MALL: variants seen among roughly 807,000 people sequenced by gnomAD.
MALL encodes the protein mal, T cell differentiation protein like.
Under a neutral mutation model 10.3 loss-of-function variants are expected in MALL, and 2 were observed. The ratio of observed to expected loss-of-function variants is 0.19; its 90% CI spans 0.08 to 0.61. The LOEUF is 0.61. Among genes scored for constraint, MALL ranks in the 20% least tolerant of loss-of-function variants. MALL has a pLI of 0.88. For missense variants in MALL, 39 were observed against 115.2 expected, an observed-to-expected ratio of 0.34 and a Z score of 3.03; for synonymous variants, 27 against 51.8, an observed-to-expected ratio of 0.52 and a Z score of 2.05.
chr2:110,103,131 TG>T (rs1183259547), intron 1 of MALL, among the ~76,000 whole-genome samples: 51 of 152,248 alleles, frequency 3.3e-4, no homozygotes, highest in African/African-American at 1.1e-3. Context: ...CCACTGAGAC[TG>T]TACTCTGGGA....
intron 1 of MALL, among the ~76,000 whole-genome samples, chr2:110,111,311 T>C (rs1678797434): frequency 6.6e-6 from 1 of 152,154 alleles, no homozygotes; most frequent in African/African-American, 2.4e-5. Flanking sequence ...ATCGTTTAAC[T>C]TGAAAACTCT....
At chr2:110,106,907 A>G (rs1678708352) in intron 1 of MALL, among the ~76,000 whole-genome samples, 1 of 152,220 alleles carries the variant, frequency 6.6e-6, no homozygotes. Flanking sequence ...CTATTGACAT[A>G]GGCCACAGCT....
intron 1 of MALL, among the ~76,000 whole-genome samples, chr2:110,110,617 G>A (rs569474982): frequency 9.2e-5 from 14 of 152,078 alleles, no homozygotes; most frequent in African/African-American, 3.1e-4. Context: ...GGATGGATTC[G>A]CACCAGAATT....
In MALL at chr2:110,113,453, A is replaced by AG. The variant is rs1477621266; in HGVS notation, c.105+2234_105+2235insC. ...TCTGTCTCAAAAAAAAAAAAAAAAA[A>AG]AAAAAAAGACTACAAATGTAGTGCA... On this transcript the variant is annotated intron_variant, in intron 1 of 3. Coordinates refer to ENST00000272462, the MANE Select transcript of MALL (RefSeq NM_005434.5). Among the ~76,000 whole-genome samples the AG allele has an allele frequency of 5.3e-5, 8 of 150,536 alleles. No homozygotes were observed. The East Asian group carries it at 1.5e-3, about 29-fold the overall frequency.
At chr2:110,117,483 A>G (rs555238143), upstream of MALL, among the ~76,000 whole-genome samples, 1 of 152,218 alleles carries the variant, frequency 6.6e-6, no homozygotes, top group South Asian at 2.1e-4. Flanking sequence ...TAGTATATTA[A>G]GAAATGAAGA....
intron 1 of MALL, among the ~76,000 whole-genome samples, chr2:110,101,376 A>ATT (rs200978672): frequency 0.015 from 2,270 of 152,162 alleles, 32 homozygotes; most frequent in Non-Finnish European, 0.026. Context: ...TGGAGGGAGA[A>ATT]TTTTCTTTTT....
intron 1 of MALL, among the ~76,000 whole-genome samples, chr2:110,095,943 A>G (rs1678431552): frequency 2.0e-5 from 3 of 152,238 alleles, no homozygotes; most frequent in Admixed American, 2.0e-4. Flanking sequence ...CAACTAAGGT[A>G]AAATCCATGA....
intron 1 of MALL, among the ~76,000 whole-genome samples, chr2:110,095,629 T>G (rs1234079914): frequency 6.6e-6 from 1 of 152,052 alleles, no homozygotes; most frequent in African/African-American, 2.4e-5. Context: ...TAACCTGCAT[T>G]TTAAATTTAA....
intron 1 of MALL, among the ~76,000 whole-genome samples, chr2:110,097,129 C>T (rs1170396695): frequency 2.0e-5 from 3 of 150,246 alleles, no homozygotes; most frequent in Non-Finnish European, 3.0e-5. Context: ...ATTCTATATC[C>T]CAAAATGGAA....
At chr2:110,097,060 T>G (rs1456247415) in intron 1 of MALL, among the ~76,000 whole-genome samples, 2 of 136,194 alleles carry the variant, frequency 1.5e-5, no homozygotes, top group Non-Finnish European at 3.1e-5. Context: ...GTCTGCAAAG[T>G]GAAACACTCT....
In MALL at chr2:110,103,877, C is replaced by T. The variant is rs184901166; in HGVS notation, c.105+11811G>A. ...ACAGGGGCCGGAGTGGCCAGGGATG[C>T]GGGGCCAGGCCAGGTGGTTCCCAGC... On this transcript the variant is annotated intron_variant, in intron 1 of 3. Transcript: ENST00000272462. Among the ~76,000 whole-genome samples, 23 of 152,194 alleles carry T rather than the reference C, an allele frequency of 1.5e-4. No individual in the cohort carries two copies. The East Asian group carries it at 3.7e-3, about 24-fold the overall frequency.
intron 1 of MALL, 108 bp downstream of exon 1, chr2:110,115,580 C>A: frequency 4.8e-6 from 2 of 412,770 alleles, no homozygotes; most frequent in Non-Finnish European, 7.0e-6. Flanking sequence ...CTGCCCCTCT[C>A]TCTTCTCGGT....
chr2:110,113,992 C>G (rs955138848), intron 1 of MALL, among the ~76,000 whole-genome samples: 1 of 152,032 alleles, frequency 6.6e-6, no homozygotes, highest in Non-Finnish European at 1.5e-5. Flanking sequence ...CCCCACAACA[C>G]GTAAGGCCCC....
chr2:110,097,346 A>C (rs1222017393), intron 1 of MALL, among the ~76,000 whole-genome samples: 1 of 152,160 alleles, frequency 6.6e-6, no homozygotes, highest in Non-Finnish European at 1.5e-5. Flanking sequence ...ACAGTTTTGA[A>C]TGTAGGACCC....
At chr2:110,099,652 A>G (rs1337132454) in intron 1 of MALL, among the ~76,000 whole-genome samples, 1 of 152,104 alleles carries the variant, frequency 6.6e-6, no homozygotes. Flanking sequence ...TGCCCATGCC[A>G]TTAGGCTCAT....
At chr2:110,096,518 G>A (rs1678443174) in intron 1 of MALL, among the ~76,000 whole-genome samples, 1 of 152,034 alleles carries the variant, frequency 6.6e-6, no homozygotes, top group Non-Finnish European at 1.5e-5. Flanking sequence ...GGCACAGAGG[G>A]CAGGAAGGGA....
At chr2:110,110,727 C>A (rs1215641078) in intron 1 of MALL, among the ~76,000 whole-genome samples, 1 of 152,052 alleles carries the variant, frequency 6.6e-6, no homozygotes, top group Non-Finnish European at 1.5e-5. Flanking sequence ...ATGAAGCCAG[C>A]ATCACCCTAA....
intron 1 of MALL, among the ~76,000 whole-genome samples, chr2:110,105,562 A>G (rs1191854330): frequency 6.6e-6 from 1 of 152,356 alleles, no homozygotes; most frequent in East Asian, 1.9e-4. Flanking sequence ...AGGGGAGTGA[A>G]GGGAGGGACA....
chr2:110,114,173 T>A (rs1336519899), intron 1 of MALL, among the ~76,000 whole-genome samples: 3 of 152,038 alleles, frequency 2.0e-5, no homozygotes, highest in African/African-American at 7.2e-5. Context: ...TCTAGGCCTT[T>A]CCCTCTCTTT....
Sources: gnomAD v4.1 joint callset for allele counts (sites outside exome capture counted in the v4.1 genomes callset) on GRCh38, gnomAD v4.1.1 for gene constraint, MANE v1.5 for transcripts, NCBI Gene and HGNC (gene_info 2026-07-23, HGNC 2026-07-21) for gene names.